Variants in ZC3H18 observed in about 807,000 individuals in gnomAD.
The protein encoded by ZC3H18 is zinc finger CCCH-type containing 18, also known as zinc finger CCCH domain-containing protein 18.
In ZC3H18, 8 loss-of-function variants were observed where a neutral mutation model predicts 106.1. The ratio of observed to expected loss-of-function variants is 0.08; its 90% CI spans 0.04 to 0.14. The LOEUF is 0.14. ZC3H18 is among the 10% of genes least tolerant of loss of function. ZC3H18 has a pLI of 1.00. For synonymous variants in ZC3H18, 635 were observed against 522.1 expected (o/e 1.22, Z -2.95); for missense variants, 1,318 against 1,278.4 (o/e 1.03, Z -0.47).
At chr16:88,572,359 A>C (rs562658225) in intron 1 of ZC3H18, among the ~76,000 whole-genome samples, 1 of 150,762 alleles carries the variant, frequency 6.6e-6, no homozygotes, top group Non-Finnish European at 1.5e-5. Flanking sequence ...GCTGGAGTGC[A>C]GTGGCAGGAT....
At chr16:88,597,952 C>G (rs1904527339) in intron 3 of ZC3H18, among the ~76,000 whole-genome samples, 3 of 152,222 alleles carry the variant, frequency 2.0e-5, no homozygotes, top group Non-Finnish European at 4.4e-5. Context: ...GACCGAGGTG[C>G]CTGGCAGCCT....
chr16:88,608,954 CTTA>C lies in ZC3H18; in HGVS notation c.1114_1116del (p.Tyr372del). The C allele has an allele frequency of 6.2e-7, 1 of 1,613,714 alleles. No individual in the cohort carries two copies. The highest frequency in any genetic ancestry group is 8.5e-7 in the Non-Finnish European group (1 of 1,179,756). On this transcript the variant is annotated inframe_deletion, in exon 7 of 18. Transcript: ENST00000301011. ...TTCAGACTCGAGCCTTACGCAGACC[CTTA>C]TTATGACTATGAAATTGAGCGGTTT...
intron 2 of ZC3H18, among the ~76,000 whole-genome samples, chr16:88,581,027 C>T (rs1173338184): frequency 6.6e-6 from 1 of 152,214 alleles, no homozygotes; most frequent in Non-Finnish European, 1.5e-5. Flanking sequence ...AGAGGCTTTC[C>T]CTGCATGCCT....
intron 3 of ZC3H18, among the ~76,000 whole-genome samples, chr16:88,597,477 C>A (rs147511665): frequency 3.3e-5 from 5 of 152,342 alleles, no homozygotes; most frequent in Non-Finnish European, 1.5e-5. Flanking sequence ...TACACATTAT[C>A]TATTCCCAAA....
chr16:88,631,836 T>C lies in ZC3H18; in HGVS notation c.*537T>C, dbSNP rs1013242954. ...TCTTTTATTTTAAGCATCAAATTGT[T>C]TTAGTTGATTTAAAAAGGAAAAAAT... On this transcript the variant is annotated 3_prime_UTR_variant, in exon 18 of 18. Transcript: ENST00000301011. The C allele has an allele frequency of 3.4e-6, 1 of 292,756 alleles. No homozygotes were observed. The highest frequency in any genetic ancestry group is 2.3e-5 in the African/African-American group (1 of 43,186). 18.1% of individuals were successfully genotyped at this position (292,756 alleles called of 1,614,324 possible).
At chr16:88,623,929 C>A (rs1334904226) in intron 10 of ZC3H18, 29 bp from the exon 11 acceptor site, 4 of 1,585,824 alleles carry the variant, frequency 2.5e-6, no homozygotes, top group Middle Eastern at 1.7e-4. Context: ...CCCCCAGGCC[C>A]CTTCCGACAC....
chr16:88,603,267 G>T (rs1455599505), intron 6 of ZC3H18, among the ~76,000 whole-genome samples: 6 of 151,060 alleles, frequency 4.0e-5, no homozygotes, highest in Non-Finnish European at 7.4e-5. Flanking sequence ...CACCTGGCCT[G>T]TTTTTTCTTT....
chr16:88,615,899 T>G (rs1905571111), intron 8 of ZC3H18, among the ~76,000 whole-genome samples: 1 of 152,256 alleles, frequency 6.6e-6, no homozygotes, highest in African/African-American at 2.4e-5. Context: ...AATGTACTTC[T>G]GGAGTACGCG....
At chr16:88,579,108 T>C (rs1194515521) in intron 2 of ZC3H18, among the ~76,000 whole-genome samples, 1 of 152,244 alleles carries the variant, frequency 6.6e-6, no homozygotes, top group Non-Finnish European at 1.5e-5. Context: ...TTTGAAGTAT[T>C]GCTCATGTGA....
At chr16:88,603,131 A>G (rs1191377572) in intron 6 of ZC3H18, among the ~76,000 whole-genome samples, 1 of 151,664 alleles carries the variant, frequency 6.6e-6, no homozygotes, top group Admixed American at 6.6e-5. Flanking sequence ...CGCTCAGCCA[A>G]TTTTTTGTAT....
rs1904659394 is a variant in ZC3H18, at chr16:88,599,965, C to G, written c.1088+17C>G. On this transcript the variant is annotated intron_variant, in intron 6 of 17. Coordinates refer to ENST00000301011, the MANE Select transcript of ZC3H18 (RefSeq NM_144604.4). Reference sequence around the variant, plus strand: ...AGACACAGTGTAAGGAATGGCCCTGCCTGCCCCTCCGTTTCCTTCCTGCAT... The same window carrying G: ...AGACACAGTGTAAGGAATGGCCCTGGCTGCCCCTCCGTTTCCTTCCTGCAT... The G allele has an allele frequency of 1.9e-6, 3 of 1,612,030 alleles. No individual in the cohort carries two copies. In the South Asian group the frequency reaches 3.3e-5, roughly 18 times the overall value.
At chr16:88,601,975 G>T (rs890582619) in intron 6 of ZC3H18, among the ~76,000 whole-genome samples, 1 of 152,222 alleles carries the variant, frequency 6.6e-6, no homozygotes, top group Non-Finnish European at 1.5e-5. Context: ...TAAGGGAAGG[G>T]TGGGTCCACC....
At chr16:88,571,346 G>A (rs1004449050) in intron 1 of ZC3H18, among the ~76,000 whole-genome samples, 6 of 152,182 alleles carry the variant, frequency 3.9e-5, no homozygotes, top group Non-Finnish European at 7.3e-5. Context: ...AGAGTGTTTG[G>A]CATCTGAAGT....
intron 1 of ZC3H18, among the ~76,000 whole-genome samples, chr16:88,572,253 G>A (rs1370679465): frequency 1.3e-5 from 2 of 152,254 alleles, no homozygotes; most frequent in Non-Finnish European, 2.9e-5. Context: ...GTTGGAGTCT[G>A]TGCATCCTCC....
At chr16:88,589,022 C>T (rs533633325) in intron 3 of ZC3H18, among the ~76,000 whole-genome samples, 3 of 152,222 alleles carry the variant, frequency 2.0e-5, no homozygotes, top group African/African-American at 7.2e-5. Flanking sequence ...TGATTCTTAC[C>T]GTTTTCTAGA....
chr16:88,606,368 C>T (rs977251110), intron 6 of ZC3H18, among the ~76,000 whole-genome samples: 1 of 152,184 alleles, frequency 6.6e-6, no homozygotes, highest in South Asian at 2.1e-4. Flanking sequence ...TCCGAGGCAG[C>T]CACGCTGAGG....
At chr16:88,601,770 G>GT (rs1904761116) in intron 6 of ZC3H18, among the ~76,000 whole-genome samples, 1 of 151,636 alleles carries the variant, frequency 6.6e-6, no homozygotes, top group Non-Finnish European at 1.5e-5. Context: ...CTCTGTGTAT[G>GT]TTACAGTTAA....
At chr16:88,596,648 T>C (rs1366499708) in intron 3 of ZC3H18, among the ~76,000 whole-genome samples, 1 of 151,582 alleles carries the variant, frequency 6.6e-6, no homozygotes, top group African/African-American at 2.4e-5. Flanking sequence ...TGAGACTCCA[T>C]CTGAAAAAAA....
chr16:88,596,111 T>A (rs1353966568), intron 3 of ZC3H18, among the ~76,000 whole-genome samples: 2 of 152,142 alleles, frequency 1.3e-5, no homozygotes, highest in African/African-American at 4.8e-5. Context: ...AGCTGAACAC[T>A]GTCACCCACT....
Sources: gnomAD v4.1 joint callset for allele counts (sites outside exome capture counted in the v4.1 genomes callset) on GRCh38, gnomAD v4.1.1 for gene constraint, MANE v1.5 for transcripts, NCBI Gene and HGNC (gene_info 2026-07-23, HGNC 2026-07-21) for gene names.